Variants in TBCCD1 observed in about 807,000 individuals in gnomAD.
TBCCD1 encodes the protein TBCC domain-containing protein 1.
A neutral mutation model predicts 53.4 loss-of-function variants in TBCCD1; 26 were observed. That is an observed-to-expected ratio of 0.49 (90% CI 0.36 to 0.68). TBCCD1 has a LOEUF of 0.68. Ranked by LOEUF, TBCCD1 falls within the 30% of genes least tolerant of loss-of-function variation. TBCCD1 has a pLI of 0.00. For missense variants in TBCCD1, 558 were observed against 669.5 expected, an observed-to-expected ratio of 0.83 and a Z score of 1.84; for synonymous variants, 245 against 241.7, an observed-to-expected ratio of 1.01 and a Z score of -0.13.
rs1407473833 is a variant in TBCCD1, at chr3:186,554,238, T to C, written c.1544+16A>G. ...TTCACAAAAAACACAAACTGTTACT[T>C]GTAAAAAATACTCACTTTGTCAAAT... On this transcript the variant is annotated intron_variant, in intron 6 of 7. Transcript: ENST00000338733. 2.5e-6 allele frequency: 4 copies of C among 1,608,270 alleles called. No individual in the cohort carries two copies. Among genetic ancestry groups the C allele is most frequent in the Non-Finnish European group, 3.4e-6 (4 of 1,178,808 alleles).
In TBCCD1 at chr3:186,554,475, A is replaced by G. The variant is rs1444279579; in HGVS notation, c.1323T>C (p.Tyr441=). The change falls in exon 6 of 8, where the codon TAT becomes TAC. Residue 441 remains tyrosine (Y), a synonymous_variant. Transcript: ENST00000338733. ...TGCACACAACCATTGGATTATCCCA[A>G]TAGTTAGGCACTGTAGCAAGGCCAG... ...ARTGLATVPN[Y]WDNPMVVCRE... 3 of 1,614,256 alleles carry G rather than the reference A, an allele frequency of 1.9e-6. No individual in the cohort carries two copies. In the South Asian group the frequency reaches 3.3e-5, roughly 18 times the overall value.
intron 5 of TBCCD1, 61 bp from the exon 6 acceptor site, chr3:186,554,812 A>G: frequency 6.3e-7 from 1 of 1,592,954 alleles, no homozygotes; most frequent in Non-Finnish European, 8.5e-7. Flanking sequence ...TTTGACTAAA[A>G]TATTATTATC....
At position 186,554,480 on chromosome 3, in the gene TBCCD1, T is replaced by A. The variant is rs769999374; in HGVS notation, c.1318A>T (p.Asn440Tyr). The change falls in exon 6 of 8, where the codon AAC becomes TAC. Residue 440 changes from asparagine to tyrosine, a missense_variant. Physicochemically the swap from Asn to Tyr is moderately radical, Grantham distance 143. Transcript: ENST00000338733. ...ACAACCATTGGATTATCCCAATAGT[T>A]AGGCACTGTAGCAAGGCCAGTCCTG... is the stretch of plus-strand genomic sequence containing the variant. ...MARTGLATVP[N>Y]YWDNPMVVCR... 1.2e-6 allele frequency: 2 copies of A among 1,614,234 alleles called. No individual in the cohort carries two copies. The highest frequency in any genetic ancestry group is 3.3e-5 in the Admixed American group (2 of 60,030).
At chr3:186,564,486 T>C (rs1169844588) in intron 1 of TBCCD1, 114 bp from the exon 2 acceptor site, 1 of 648,246 alleles carries the variant, frequency 1.5e-6, no homozygotes, top group Admixed American at 3.4e-5. Flanking sequence ...ATCATCATCT[T>C]AAAAGGCAGC....
chr3:186,557,101 G>A (rs1714565822), intron 3 of TBCCD1, among the ~76,000 whole-genome samples: 1 of 152,166 alleles, frequency 6.6e-6, no homozygotes, highest in South Asian at 2.1e-4. Context: ...AATTTCAAAT[G>A]TATAGCAATA....
upstream of TBCCD1, among the ~76,000 whole-genome samples, chr3:186,567,794 AG>A (rs1212834269): frequency 6.6e-6 from 1 of 152,198 alleles, no homozygotes; most frequent in African/African-American, 2.4e-5. Flanking sequence ...CACAACCCTA[AG>A]GTCACACAAG....
intron 3 of TBCCD1, 56 bp downstream of exon 3, chr3:186,558,361 C>A: frequency 6.4e-7 from 1 of 1,552,302 alleles, no homozygotes; most frequent in Non-Finnish European, 8.7e-7. Context: ...TGCAAGTGAA[C>A]CATCTCCCAC....
At chr3:186,554,013 A>G (rs557734661) in intron 6 of TBCCD1, among the ~76,000 whole-genome samples, 1 of 152,274 alleles carries the variant, frequency 6.6e-6, no homozygotes, top group South Asian at 2.1e-4. Flanking sequence ...ACACCCAGCT[A>G]ATTTTTGTAT....
chr3:186,553,330 A>C (rs974061153), intron 6 of TBCCD1: 2 of 152,250 alleles, frequency 1.3e-5, no homozygotes, highest in African/African-American at 4.8e-5. Flanking sequence ...AGAACCATTC[A>C]AACAACAGAA....
intron 2 of TBCCD1, among the ~76,000 whole-genome samples, chr3:186,563,271 G>A (rs777213125): frequency 5.9e-5 from 9 of 152,162 alleles, no homozygotes; most frequent in Non-Finnish European, 1.2e-4. Flanking sequence ...CAGCCTACTT[G>A]ATTAATATAC....
At chr3:186,561,588 G>A (rs555235760) in intron 2 of TBCCD1, among the ~76,000 whole-genome samples, 2 of 152,226 alleles carry the variant, frequency 1.3e-5, no homozygotes, top group East Asian at 3.9e-4. Context: ...AGGAGATTGA[G>A]ACCATCCTGG....
chr3:186,570,492 T>C (rs1387700888), upstream of TBCCD1: 5 of 489,230 alleles, frequency 1.0e-5, no homozygotes, highest in Admixed American at 4.0e-5. Flanking sequence ...TTTCTACGAC[T>C]CGCGGTAGCT....
chr3:186,564,999 A>G (rs988063842), intron 1 of TBCCD1, among the ~76,000 whole-genome samples: 2 of 152,130 alleles, frequency 1.3e-5, no homozygotes, highest in African/African-American at 4.8e-5. Flanking sequence ...TGTAACAATG[A>G]TACATGATTT....
intron 2 of TBCCD1, among the ~76,000 whole-genome samples, chr3:186,559,829 C>G (rs1560227957): frequency 1.3e-5 from 2 of 152,180 alleles, no homozygotes; most frequent in Non-Finnish European, 2.9e-5. Context: ...GACAATATCA[C>G]AATCAGGATA....
chr3:186,567,106 C>T (rs1220617803), intron 1 of TBCCD1, among the ~76,000 whole-genome samples, 161 bp downstream of exon 1: 4 of 152,242 alleles, frequency 2.6e-5, no homozygotes, highest in East Asian at 1.9e-4. Context: ...CTGCGTGGGC[C>T]GCCCCAGCGT....
intron 2 of TBCCD1, among the ~76,000 whole-genome samples, chr3:186,562,449 T>C (rs982416198): frequency 5.9e-5 from 9 of 152,142 alleles, no homozygotes; most frequent in African/African-American, 2.2e-4. Context: ...GACAAAGCTA[T>C]GTAATCTCAC....
At position 186,554,189 on chromosome 3, in the gene TBCCD1, G is replaced by A. The variant is rs138910726; in HGVS notation, c.1544+65C>T. ...TTTAGCACAGCTGTAAAAATGTGCA[G>A]ACTAATTTGTTTCTCCATGGAGTTT... On this transcript the variant is annotated intron_variant, in intron 6 of 7. Transcript: ENST00000338733. 1,525 of 1,588,510 alleles carry A rather than the reference G, an allele frequency of 9.6e-4. 20 individuals are homozygous for A. In the East Asian group the frequency reaches 0.017, roughly 17 times the overall value.
intron 7 of TBCCD1, among the ~76,000 whole-genome samples, chr3:186,547,767 C>T (rs1361592674): frequency 4.0e-5 from 6 of 151,892 alleles, no homozygotes; most frequent in South Asian, 2.1e-4. Flanking sequence ...CCACCACGCC[C>T]GGCTAATTTT....
chr3:186,559,442 T>C (rs546297337), intron 2 of TBCCD1, among the ~76,000 whole-genome samples: 10 of 152,334 alleles, frequency 6.6e-5, no homozygotes, highest in East Asian at 3.9e-4. Flanking sequence ...GTTGGTCTGA[T>C]AGATGTATAG....
Sources: allele counts gnomAD v4.1 joint callset (sites outside exome capture counted in the v4.1 genomes callset), GRCh38; gene constraint gnomAD v4.1.1; transcripts MANE v1.5; gene names NCBI Gene and HGNC (gene_info 2026-07-23, HGNC 2026-07-21).